LINGO2: variants seen among roughly 807,000 people sequenced by gnomAD.
The protein encoded by LINGO2 is leucine rich repeat and Ig domain containing 2.
In LINGO2, 14 loss-of-function variants were observed where a neutral mutation model predicts 30.6. The observed-to-expected ratio is 0.46, with a 90% CI of 0.30 to 0.72. The LOEUF is 0.72. Ranked by LOEUF, LINGO2 falls within the 30% of genes least tolerant of loss-of-function variation. The pLI is 0.07. For missense variants in LINGO2, 729 were observed against 751.7 expected (o/e 0.97, Z 0.35); for synonymous variants, 317 against 288.5 (o/e 1.10, Z -1.00).
At chr9:28,173,264 C>G (rs1828652914) in intron 4 of LINGO2, among the ~76,000 whole-genome samples, 1 of 152,128 alleles carries the variant, frequency 6.6e-6, no homozygotes, top group Non-Finnish European at 1.5e-5. Flanking sequence ...TCATTTTCCT[C>G]ATATTCTTCA....
intron 4 of LINGO2, among the ~76,000 whole-genome samples, chr9:28,055,729 G>A (rs990483510): frequency 3.9e-5 from 6 of 152,132 alleles, no homozygotes; most frequent in Non-Finnish European, 8.8e-5. Flanking sequence ...TAAAAGATAT[G>A]TACTCAAAGA....
intron 4 of LINGO2, among the ~76,000 whole-genome samples, chr9:28,273,049 T>C (rs1417504388): frequency 6.6e-6 from 1 of 152,186 alleles, no homozygotes; most frequent in Non-Finnish European, 1.5e-5. Flanking sequence ...TCTATTAGAA[T>C]GTAAGCTCCA....
intron 4 of LINGO2, among the ~76,000 whole-genome samples, chr9:28,268,180 G>C (rs542629444): frequency 1.1e-4 from 17 of 151,978 alleles, no homozygotes; most frequent in Non-Finnish European, 2.2e-4. Context: ...TTGAAGATGT[G>C]CTCTTGATTT....
chr9:28,894,073 A>C, the LINGO2 span, among the ~76,000 whole-genome samples: 1 of 152,136 alleles, frequency 6.6e-6, no homozygotes, highest in Admixed American at 6.6e-5. Flanking sequence ...CCTACAAAGG[A>C]CATGAACTCA....
At chr9:28,318,672 G>T (rs187549942) in intron 3 of LINGO2, among the ~76,000 whole-genome samples, 1 of 152,092 alleles carries the variant, frequency 6.6e-6, no homozygotes, top group Non-Finnish European at 1.5e-5. Context: ...CAAGAATTCC[G>T]CCTGGCATTA....
At chr9:29,037,304 A>T in the LINGO2 span, among the ~76,000 whole-genome samples, 1 of 151,874 alleles carries the variant, frequency 6.6e-6, no homozygotes, top group African/African-American at 2.4e-5. Context: ...GTGCCAAATA[A>T]TTGGAAATTT....
chr9:28,222,244 C>T (rs1284961840), intron 4 of LINGO2, among the ~76,000 whole-genome samples: 2 of 152,094 alleles, frequency 1.3e-5, no homozygotes, highest in East Asian at 1.9e-4. Flanking sequence ...TGTGAAGAGG[C>T]ACTGAATATT....
At chr9:28,053,709 T>A (rs1563946165) in intron 4 of LINGO2, among the ~76,000 whole-genome samples, 2 of 152,096 alleles carry the variant, frequency 1.3e-5, no homozygotes, top group South Asian at 2.1e-4. Context: ...AATCTTGATA[T>A]AATAGGTCTA....
intron 2 of LINGO2, among the ~76,000 whole-genome samples, chr9:28,373,313 A>T (rs1238739927): frequency 6.6e-6 from 1 of 152,176 alleles, no homozygotes; most frequent in Non-Finnish European, 1.5e-5. Flanking sequence ...CTACTCTTGA[A>T]TGCTGATTAG....
At chr9:28,338,312 C>A (rs1366846646) in intron 3 of LINGO2, among the ~76,000 whole-genome samples, 3 of 152,198 alleles carry the variant, frequency 2.0e-5, no homozygotes, top group African/African-American at 7.2e-5. Context: ...TGTATTTACC[C>A]AATCCCTGTA....
chr9:28,056,998 T>C (rs1824962592), intron 4 of LINGO2, among the ~76,000 whole-genome samples: 1 of 152,148 alleles, frequency 6.6e-6, no homozygotes, highest in Non-Finnish European at 1.5e-5. Flanking sequence ...TTCCATAGTG[T>C]TGATGATTCT....
At chr9:28,052,958 T>C (rs540273729) in intron 4 of LINGO2, among the ~76,000 whole-genome samples, 1 of 148,414 alleles carries the variant, frequency 6.7e-6, no homozygotes, top group East Asian at 2.0e-4. Context: ...ACATTGAGCA[T>C]CCAGTACATG....
the LINGO2 span, among the ~76,000 whole-genome samples, chr9:29,124,072 A>C: frequency 6.6e-6 from 1 of 152,188 alleles, no homozygotes; most frequent in African/African-American, 2.4e-5. Context: ...TATATAGACC[A>C]ATGGAACACA....
Position 28,670,197 on chromosome 9 carries a change from T to C in LINGO2, c.-365+3A>G, listed in dbSNP as rs909532468. ...ATACAATTGAAATAAATTTGGCATT[T>C]ACCTCATGTGATTAAAAATCCACTG... is the stretch of plus-strand genomic sequence containing the variant. On this transcript the variant is annotated splice_donor_region_variant and intron_variant, in intron 1 of 5. Transcript: ENST00000379992. The C allele has an allele frequency of 1.3e-5, 2 of 152,138 alleles. No homozygotes were observed. Among genetic ancestry groups the C allele is most frequent in the African/African-American group, 4.8e-5 (2 of 41,458 alleles). The allele number at this position is 152,138 out of a possible 1,614,324, so 9.4% of individuals were successfully genotyped here.
intron 1 of LINGO2, among the ~76,000 whole-genome samples, chr9:28,636,502 T>C (rs1031251397): frequency 6.6e-6 from 1 of 152,204 alleles, no homozygotes; most frequent in Non-Finnish European, 1.5e-5. Context: ...CCTGACTTTT[T>C]AATGATTGCC....
the LINGO2 span, among the ~76,000 whole-genome samples, chr9:28,851,916 C>A: frequency 6.6e-6 from 1 of 151,712 alleles, no homozygotes; most frequent in Non-Finnish European, 1.5e-5. Flanking sequence ...GGAGATAACA[C>A]TAAAAATCCA....
chr9:28,740,577 A>C, the LINGO2 span, among the ~76,000 whole-genome samples: 5 of 151,580 alleles, frequency 3.3e-5, no homozygotes, highest in East Asian at 9.7e-4. Context: ...TTTGTCTCAA[A>C]ATCTTTTTTA....
intron 3 of LINGO2, among the ~76,000 whole-genome samples, chr9:28,319,719 G>A (rs908551578): frequency 6.6e-6 from 1 of 152,120 alleles, no homozygotes; most frequent in African/African-American, 2.4e-5. Flanking sequence ...GAGAGGAGGC[G>A]ACTGATTACA....
intron 1 of LINGO2, among the ~76,000 whole-genome samples, chr9:28,533,712 A>G (rs1272964175): frequency 1.3e-5 from 2 of 152,176 alleles, no homozygotes; most frequent in African/African-American, 2.4e-5. Context: ...TTGTTCATAA[A>G]GAAGGCTTGA....
Sources: gnomAD v4.1 joint callset for allele counts (sites outside exome capture counted in the v4.1 genomes callset) on GRCh38, gnomAD v4.1.1 for gene constraint, MANE v1.5 for transcripts, NCBI Gene and HGNC (gene_info 2026-07-23, HGNC 2026-07-21) for gene names.